The following DLGAP4 variants were observed in gnomAD, a reference collection of about 807,000 sequenced individuals.
DLGAP4 encodes the protein DLG associated protein 4, also known as disks large-associated protein 4.
DLGAP4 carries 18 observed loss-of-function variants against 86.9 expected under a neutral mutation model. That is an observed-to-expected ratio of 0.21 (90% confidence interval 0.14 to 0.31). The LOEUF (loss-of-function observed/expected upper bound fraction) is 0.31, where lower values mean the gene tolerates loss of function less well. Ranked by LOEUF, DLGAP4 falls within the 10% of genes least tolerant of loss-of-function variation. The probability of loss-of-function intolerance (pLI) is 1.00; values close to 1 mark genes in which losing one functional copy is unlikely to be tolerated. For missense variants in DLGAP4, 1,085 were observed against 1,362.6 expected (o/e 0.80, Z 3.21); for synonymous variants, 548 against 574.3 (o/e 0.95, Z 0.65).
intron 7 of DLGAP4, among the ~76,000 whole-genome samples, chr20:36,470,904 A>G (rs566566462): frequency 1.3e-5 from 2 of 152,116 alleles, no homozygotes; most frequent in South Asian, 2.1e-4. Context: ...CTTGTTCTCA[A>G]TCTTGCTGCT....
At chr20:36,418,239 AAGT>A (rs897494305) in intron 2 of DLGAP4, among the ~76,000 whole-genome samples, 3 of 150,212 alleles carry the variant, frequency 2.0e-5, no homozygotes, top group African/African-American at 7.4e-5. Context: ...TCAGCCTCCC[AAGT>A]AGCTGGGATT....
At chr20:36,515,519 G>A (rs1467380116) in intron 10 of DLGAP4, among the ~76,000 whole-genome samples, 2 of 152,080 alleles carry the variant, frequency 1.3e-5, no homozygotes, top group Non-Finnish European at 2.9e-5. Flanking sequence ...ATTTTTACGA[G>A]GTGACTTCTA....
chr20:36,455,428 CT>C (rs2033855359), intron 7 of DLGAP4, among the ~76,000 whole-genome samples: 1 of 152,216 alleles, frequency 6.6e-6, no homozygotes, highest in Non-Finnish European at 1.5e-5. Context: ...TGTACCCCCA[CT>C]CCTGCCAGCT....
At chr20:36,509,703 T>C (rs572261382) in intron 10 of DLGAP4, among the ~76,000 whole-genome samples, 2 of 152,264 alleles carry the variant, frequency 1.3e-5, no homozygotes, top group Non-Finnish European at 2.9e-5. Context: ...TGAGGTATGA[T>C]TGTGCCACTG....
intron 7 of DLGAP4, among the ~76,000 whole-genome samples, chr20:36,483,811 C>G (rs916235824): frequency 6.6e-6 from 1 of 152,260 alleles, no homozygotes; most frequent in Non-Finnish European, 1.5e-5. Flanking sequence ...TGCTGGGGTT[C>G]TGCACCAGCG....
intron 2 of DLGAP4, among the ~76,000 whole-genome samples, chr20:36,392,474 C>T (rs1401300967): frequency 6.7e-6 from 1 of 149,596 alleles, no homozygotes; most frequent in Admixed American, 6.7e-5. Context: ...CAGATTCAAG[C>T]GATTCTCCTG....
chr20:36,439,853 C>T lies in DLGAP4; in HGVS notation c.1341C>T (p.Ser447=), dbSNP rs1287384056. 1 of 1,613,340 alleles carries T rather than the reference C, an allele frequency of 6.2e-7. No homozygotes were observed. The highest frequency in any genetic ancestry group is 1.7e-5 in the Admixed American group (1 of 60,014). The change falls in exon 5 of 13, where the codon TCC becomes TCT. Residue 447 remains serine, a synonymous_variant. Coordinates refer to ENST00000339266, the MANE Select transcript of DLGAP4 (RefSeq NM_001365621.2). The part of the protein sequence containing the change: ...YTPVSDSLND[S]SCISQIFGQA... Reference sequence around the variant, plus strand: ...CCGTCAGCGACAGCCTCAACGACTCCAGCTGCATCAGCCAGGTGAGGGTGG... The same window carrying T: ...CCGTCAGCGACAGCCTCAACGACTCTAGCTGCATCAGCCAGGTGAGGGTGG...
intron 8 of DLGAP4, chr20:36,499,177 T>C (rs2036013006): frequency 6.9e-7 from 1 of 1,458,616 alleles, no homozygotes; most frequent in East Asian, 2.3e-5. Context: ...TGGCTTTGTG[T>C]GTGTGTGTGT....
At chr20:36,407,739 G>A (rs2032366399) in intron 2 of DLGAP4, among the ~76,000 whole-genome samples, 1 of 152,134 alleles carries the variant, frequency 6.6e-6, no homozygotes, top group Non-Finnish European at 1.5e-5. Context: ...ACCCAGGGGA[G>A]GAGAAGGCCA....
intron 7 of DLGAP4, among the ~76,000 whole-genome samples, chr20:36,484,441 A>T (rs190376159): frequency 4.9e-4 from 75 of 152,276 alleles, no homozygotes; most frequent in Middle Eastern, 6.8e-3. Context: ...TCTCCTAAGG[A>T]GCAGCTGGGG....
intron 1 of DLGAP4, among the ~76,000 whole-genome samples, chr20:36,332,842 A>T (rs6067465): frequency 6.6e-6 from 1 of 151,004 alleles, no homozygotes; most frequent in Non-Finnish European, 1.5e-5. Context: ...CTTCTGAGCC[A>T]TGACCTCAAT....
In DLGAP4 at chr20:36,308,739, A is replaced by G. The variant is rs921064908; in HGVS notation, c.-304+2227A>G. Reference sequence around the variant, plus strand: ...CCCGGGCACCGTATGTGACAGAAGCAGGTGGTCCCTACCCTCCTATACTTC... The same window carrying G: ...CCCGGGCACCGTATGTGACAGAAGCGGGTGGTCCCTACCCTCCTATACTTC... On this transcript the variant is annotated intron_variant, in intron 1 of 12. Transcript: ENST00000339266. The surrounding 1 kb of genome is among the most constrained non-coding windows in gnomAD (Gnocchi z 4.5). Among the ~76,000 whole-genome samples, 2 of 152,192 alleles carry G rather than the reference A, an allele frequency of 1.3e-5. No individual in the cohort carries two copies. Among genetic ancestry groups the G allele is most frequent in the African/African-American group, 4.8e-5 (2 of 41,446 alleles).
chr20:36,473,912 C>T (rs2034791754), intron 7 of DLGAP4, among the ~76,000 whole-genome samples: 1 of 152,222 alleles, frequency 6.6e-6, no homozygotes, highest in Non-Finnish European at 1.5e-5. Context: ...AAGAGCATCT[C>T]TGTAGAGTTG....
chr20:36,388,668 T>C (rs2031684960), intron 2 of DLGAP4, among the ~76,000 whole-genome samples: 1 of 152,190 alleles, frequency 6.6e-6, no homozygotes, highest in African/African-American at 2.4e-5. Context: ...AGTTAACCTC[T>C]CTGTGCCTCA....
chr20:36,496,605 A>G (rs1012447484), intron 7 of DLGAP4, 100 bp from the exon 8 acceptor site: 4 of 1,500,598 alleles, frequency 2.7e-6, no homozygotes, highest in Non-Finnish European at 3.6e-6. Flanking sequence ...GCCCAGAGCT[A>G]GGGCCAAGTC....
In DLGAP4 at chr20:36,350,583, T is replaced by C. The variant is rs752638521; in HGVS notation, c.-303-16462T>C. On this transcript the variant is annotated intron_variant, in intron 1 of 12. Coordinates refer to ENST00000339266, the MANE Select transcript of DLGAP4 (RefSeq NM_001365621.2). This position sits in a 1 kb window ranked among gnomAD's most constrained non-coding sequence, Gnocchi z 4.4. ...CCCTGGGGTGAATCAGATGATACAATGGCTGACAAGGGCATGCCCTCTGTA... is the reference window on the plus strand; with the variant it reads ...CCCTGGGGTGAATCAGATGATACAACGGCTGACAAGGGCATGCCCTCTGTA... Among the ~76,000 whole-genome samples, 29 of 152,206 alleles carry C rather than the reference T, an allele frequency of 1.9e-4. No individual in the cohort carries two copies. The highest frequency in any genetic ancestry group is 4.3e-4 in the African/African-American group (18 of 41,452).
At position 36,462,023 on chromosome 20, in the gene DLGAP4, TC is replaced by T. The variant is rs1208926144; in HGVS notation, c.1648+15088del. 1.4e-5 allele frequency: 14 copies of T among 985,562 alleles called. No homozygotes were observed. The East Asian group carries it at 1.6e-3, about 112-fold the overall frequency. The allele number at this position is 985,562 out of a possible 1,614,324, so 61.1% of individuals were successfully genotyped here. On this transcript the variant is annotated intron_variant, in intron 7 of 12. Transcript: ENST00000339266. ...TTTGGGGTTCCCCTTGAGAACACCT[TC>T]CACTCTCCCCAAGGGCTCCCCGTGA...
chr20:36,353,684 C>G (rs566552211), intron 1 of DLGAP4, among the ~76,000 whole-genome samples: 109 of 152,330 alleles, frequency 7.2e-4, no homozygotes, highest in African/African-American at 2.5e-3. Flanking sequence ...GGGCTCCAAC[C>G]TGTGTCCGCC....
chr20:36,368,213 C>A (rs951010427), intron 2 of DLGAP4, among the ~76,000 whole-genome samples: 15 of 152,230 alleles, frequency 9.9e-5, no homozygotes, highest in Admixed American at 5.2e-4. Context: ...GACCTGAGCG[C>A]CTCCTGGCCT....
Sources: gnomAD v4.1 joint callset for allele counts (sites outside exome capture counted in the v4.1 genomes callset) on GRCh38, gnomAD v4.1.1 for gene constraint, Gnocchi (gnomAD v3.1) non-coding constraint, MANE v1.5 for transcripts, NCBI Gene and HGNC (gene_info 2026-07-23, HGNC 2026-07-21) for gene names.